The following RNF169 variants were observed in gnomAD, a reference collection of about 807,000 sequenced individuals.
The protein encoded by RNF169 is E3 ubiquitin-protein ligase RNF169.
In RNF169, 24 loss-of-function variants were observed where a neutral mutation model predicts 53.9. The ratio of observed to expected loss-of-function variants is 0.45; its 90% CI spans 0.32 to 0.63. RNF169 has a LOEUF of 0.63. RNF169 is among the 20% of genes least tolerant of loss of function. The pLI is 0.04. For missense variants in RNF169, 883 were observed against 906.2 expected (o/e 0.97, Z 0.33); for synonymous variants, 396 against 363.5 (o/e 1.09, Z -1.02).
At chr11:74,772,177 T>C (rs2035269553) in intron 1 of RNF169, among the ~76,000 whole-genome samples, 1 of 128,916 alleles carries the variant, frequency 7.8e-6, no homozygotes, top group Non-Finnish European at 1.5e-5. Flanking sequence ...AAATTGGTCT[T>C]TTTTAAAAAA....
intron 1 of RNF169, among the ~76,000 whole-genome samples, chr11:74,758,907 C>G (rs1226443769): frequency 6.8e-5 from 10 of 147,872 alleles, no homozygotes; most frequent in Non-Finnish European, 1.2e-4. Context: ...GGCAGTATGG[C>G]CATTTTCACG....
At chr11:74,789,094 A>G (rs1468115819) in intron 1 of RNF169, among the ~76,000 whole-genome samples, 1 of 152,216 alleles carries the variant, frequency 6.6e-6, no homozygotes, top group African/African-American at 2.4e-5. Flanking sequence ...AGGTGATGGA[A>G]TGTTTGCCTT....
intron 3 of RNF169, among the ~76,000 whole-genome samples, chr11:74,812,534 G>A (rs1294762848): frequency 6.6e-6 from 1 of 151,868 alleles, no homozygotes; most frequent in East Asian, 1.9e-4. Context: ...TCAAACTCCT[G>A]GGCTCAAGGG....
chr11:74,832,379 T>TG (rs1179353609), intron 4 of RNF169: 1 of 152,058 alleles, frequency 6.6e-6, no homozygotes, highest in African/African-American at 2.4e-5. Context: ...ATGGAGTTTA[T>TG]GGGGCATGTG....
chr11:74,750,588 CTTTTTTTTTTTT>C (rs71036015), intron 1 of RNF169, among the ~76,000 whole-genome samples: 6 of 54,542 alleles, frequency 1.1e-4, no homozygotes, highest in African/African-American at 5.3e-4. Flanking sequence ...CTCCCCTCAC[CTTTTTTTTTTTT>C]TTTTTTTTTT....
At chr11:74,805,548 AAATG>A (rs1014066542) in intron 2 of RNF169, among the ~76,000 whole-genome samples, 1 of 152,250 alleles carries the variant, frequency 6.6e-6, no homozygotes, top group Non-Finnish European at 1.5e-5. Flanking sequence ...TTAATATAAA[AAATG>A]AATTCTAAGT....
At chr11:74,833,064 G>A (rs766333319) in intron 4 of RNF169, among the ~76,000 whole-genome samples, 6 of 152,158 alleles carry the variant, frequency 3.9e-5, no homozygotes, top group African/African-American at 9.7e-5. Context: ...GTGCAAGCAC[G>A]TGATACAGGC....
chr11:74,759,436 G>T, intron 1 of RNF169, among the ~76,000 whole-genome samples: 1 of 113,350 alleles, frequency 8.8e-6, no homozygotes, highest in Non-Finnish European at 1.8e-5. Context: ...GTATGATATT[G>T]GCTGTGGGTT....
intron 1 of RNF169, among the ~76,000 whole-genome samples, chr11:74,767,600 C>T (rs551780285): frequency 1.1e-4 from 17 of 151,990 alleles, no homozygotes; most frequent in East Asian, 5.8e-4. Flanking sequence ...GATGGAGTCT[C>T]GCTCTGTCGC....
chr11:74,766,579 A>G lies in RNF169; in HGVS notation c.502+17197A>G, dbSNP rs554436889. 3.3e-5 allele frequency among the ~76,000 whole-genome samples: 5 copies of G among 152,334 alleles called. No individual in the cohort carries two copies. The East Asian group carries it at 9.6e-4, about 29-fold the overall frequency. Reference sequence around the variant, plus strand: ...GTTAAAAATATTTATAGCTAAGATGATATGATGCCTGGGATTTGCTTCAAA... The same window carrying G: ...GTTAAAAATATTTATAGCTAAGATGGTATGATGCCTGGGATTTGCTTCAAA... On this transcript the variant is annotated intron_variant, in intron 1 of 5. Coordinates refer to ENST00000299563, the MANE Select transcript of RNF169 (RefSeq NM_001098638.2).
At position 74,836,604 on chromosome 11, in the gene RNF169, A is replaced by C. The variant is rs529622852; in HGVS notation, c.2001A>C (p.Glu667Asp). ...REMEQKLQQE[E>D]EDRQLALQLQ... ...TGGAGCAGAAGCTTCAGCAAGAGGAAGAAGACCGACAGTTGGCTCTGCAGT... is the reference window on the plus strand; with the variant it reads ...TGGAGCAGAAGCTTCAGCAAGAGGACGAAGACCGACAGTTGGCTCTGCAGT... Residue 667 changes from glutamate (E) to aspartate (D), a missense_variant, in exon 6 of 6, where the codon GAA (glutamate) becomes GAC (aspartate). By Grantham distance (45) the Glu-to-Asp change is conservative (BLOSUM62 2). Around this residue, in one of 3 missense-constraint regions of RNF169, gnomAD observed 351 missense variants for 337.3 expected, o/e 1.04. Transcript: ENST00000299563. 4.3e-6 allele frequency: 7 copies of C among 1,614,130 alleles called. No individual in the cohort carries two copies. The South Asian group carries it at 7.7e-5, about 18-fold the overall frequency.
chr11:74,767,256 G>A (rs2035188290), intron 1 of RNF169, among the ~76,000 whole-genome samples: 1 of 151,978 alleles, frequency 6.6e-6, no homozygotes, highest in Admixed American at 6.6e-5. Context: ...TTAACATTAG[G>A]AATCTAATGT....
chr11:74,825,598 G>C (rs1045459154), intron 4 of RNF169, among the ~76,000 whole-genome samples: 4 of 152,104 alleles, frequency 2.6e-5, no homozygotes, highest in Admixed American at 2.6e-4. Flanking sequence ...CATTTCTACA[G>C]AAACTATTCC....
chr11:74,764,336 C>T (rs1209662763), intron 1 of RNF169, among the ~76,000 whole-genome samples: 1 of 152,046 alleles, frequency 6.6e-6, no homozygotes, highest in Non-Finnish European at 1.5e-5. Context: ...GAGTTCAAGA[C>T]CAGCCTGACT....
chr11:74,808,683 G>A (rs1203412811), intron 2 of RNF169, among the ~76,000 whole-genome samples: 3 of 152,234 alleles, frequency 2.0e-5, no homozygotes, highest in Non-Finnish European at 4.4e-5. Flanking sequence ...TAATTCCAAT[G>A]ATGCTAAAAC....
chr11:74,794,214 A>AT (rs1156451343), intron 2 of RNF169, among the ~76,000 whole-genome samples: 1 of 152,206 alleles, frequency 6.6e-6, no homozygotes, highest in Non-Finnish European at 1.5e-5. Flanking sequence ...AACAATGGCA[A>AT]TAAGACTAGT....
In RNF169 at chr11:74,754,657, C is replaced by T. The variant is rs569176676; in HGVS notation, c.502+5275C>T. Among the ~76,000 whole-genome samples, 453 of 152,214 alleles carry T rather than the reference C, an allele frequency of 3.0e-3. 1 individual carries two copies. The highest frequency in any genetic ancestry group is 4.9e-3 in the Non-Finnish European group (334 of 68,012). ...CCAACATGGGGAAACCCTGTCTTTA[C>T]TAAAAACACAAGAATTAGCCGGACG... On this transcript the variant is annotated intron_variant, in intron 1 of 5. Coordinates refer to ENST00000299563, the MANE Select transcript of RNF169 (RefSeq NM_001098638.2).
At chr11:74,772,093 T>G (rs942390027) in intron 1 of RNF169, among the ~76,000 whole-genome samples, 1 of 152,224 alleles carries the variant, frequency 6.6e-6, no homozygotes, top group Admixed American at 6.5e-5. Context: ...GTCTGGAAAA[T>G]ATAGAAAGTT....
rs1371384290 is a variant in RNF169 at position 74,749,125 on chromosome 11, C to G, written c.245C>G (p.Pro82Arg). The G allele has an allele frequency of 1.5e-6, 2 of 1,352,624 alleles. No homozygotes were observed. The highest frequency in any genetic ancestry group is 1.9e-6 in the Non-Finnish European group (2 of 1,049,542). 83.8% of individuals were successfully genotyped at this position (1,352,624 alleles called of 1,614,324 possible). The stretch of plus-strand genomic sequence containing the variant: ...CCCCCCGGAGAAGCAGCGGCCCTGC[C>G]GTGCGGCCACTCGCTTTGCCGAGGC... ...LEPPGEAAAL[P>R]CGHSLCRGCA... Residue 82 changes from proline (P) to arginine (R), a missense_variant, in exon 1 of 6, where the codon CCG (proline) becomes CGG (arginine). By Grantham distance (103) the Pro-to-Arg change is moderately radical. This residue lies in a region of RNF169 where 313 missense variants were observed against 279.9 expected (regional missense o/e 1.12). Transcript: ENST00000299563.
Sources: allele counts gnomAD v4.1 joint callset (sites outside exome capture counted in the v4.1 genomes callset), GRCh38; gene constraint gnomAD v4.1.1; regional missense constraint gnomAD v4.1.1; transcripts MANE v1.5; gene names NCBI Gene and HGNC (gene_info 2026-07-23, HGNC 2026-07-21).